Variants in CADM2 observed in about 807,000 individuals in gnomAD.
CADM2 encodes cell adhesion molecule 2.
Under a neutral mutation model 49.8 loss-of-function variants are expected in CADM2, and 12 were observed. The ratio of observed to expected loss-of-function variants is 0.24; its 90% CI spans 0.15 to 0.39. CADM2 has a LOEUF of 0.39. Among genes scored for constraint, CADM2 ranks in the 10% least tolerant of loss-of-function variants. The pLI is 1.00. For synonymous variants in CADM2, 214 were observed against 175.4 expected (o/e 1.22, Z -1.74); for missense variants, 378 against 492.3 (o/e 0.77, Z 2.20).
chr3:85,170,583 T>A (rs140059237), intron 1 of CADM2, among the ~76,000 whole-genome samples: 151 of 152,242 alleles, frequency 9.9e-4, no homozygotes, highest in African/African-American at 3.6e-3. Context: ...AGCTTCCGTC[T>A]CCATCTCCCA....
chr3:85,638,600 G>A (rs571573078), intron 1 of CADM2, among the ~76,000 whole-genome samples: 1 of 151,892 alleles, frequency 6.6e-6, no homozygotes, highest in African/African-American at 2.4e-5. Context: ...CATTTTTACT[G>A]TAAATATTTT....
At chr3:85,480,693 A>G (rs1402045114) in intron 1 of CADM2, among the ~76,000 whole-genome samples, 1 of 151,892 alleles carries the variant, frequency 6.6e-6, no homozygotes, top group Non-Finnish European at 1.5e-5. Context: ...GCAGAATCTC[A>G]TGACCAAACC....
At chr3:85,734,420 C>T (rs1370035415) in intron 2 of CADM2, among the ~76,000 whole-genome samples, 1 of 151,706 alleles carries the variant, frequency 6.6e-6, no homozygotes, top group Non-Finnish European at 1.5e-5. Context: ...ATGAATCCTG[C>T]CTTACCCCCA....
intron 1 of CADM2, among the ~76,000 whole-genome samples, chr3:85,262,913 T>TATTTTTAGATGA (rs2043043381): frequency 7.5e-6 from 1 of 133,884 alleles, no homozygotes; most frequent in African/African-American, 4.1e-5. Flanking sequence ...TATGATGTAT[T>TATTTTTAGATGA]TACTCTGTAT....
At chr3:85,775,576 G>A (rs966910440) in intron 2 of CADM2, among the ~76,000 whole-genome samples, 4 of 151,686 alleles carry the variant, frequency 2.6e-5, no homozygotes, top group African/African-American at 7.2e-5. Context: ...TTTATAAACT[G>A]CTTTTTAAAA....
chr3:85,867,233 A>T (rs1164815036), intron 3 of CADM2, among the ~76,000 whole-genome samples: 1 of 152,020 alleles, frequency 6.6e-6, no homozygotes, highest in Non-Finnish European at 1.5e-5. Context: ...TTCTTTTATT[A>T]GTTTGAGATA....
At chr3:85,459,954 T>TA (rs1475413210) in intron 1 of CADM2, among the ~76,000 whole-genome samples, 6 of 152,146 alleles carry the variant, frequency 3.9e-5, no homozygotes, top group Admixed American at 1.3e-4. Context: ...TCTGCCAGAG[T>TA]AAAAAAGATT....
In CADM2 at chr3:85,144,620, A is replaced by AAAAAGAAAGAAAGAAAGAAAG. The variant is rs373935603; in HGVS notation, c.61+184955_61+184956insAGAAAGAAAGAAAGAAAGAAA. On this transcript the variant is annotated intron_variant, in intron 1 of 9. Coordinates refer to ENST00000383699, the MANE Select transcript of CADM2 (RefSeq NM_001167675.2). ...GAGTGAGACTCCATCTCAAAAAAAAAAAAGAAAGAAAGAAAGAAAGAAAGA... is the reference window on the plus strand; with the variant it reads ...GAGTGAGACTCCATCTCAAAAAAAAAAAAAGAAAGAAAGAAAGAAAGAAAGAAAGAAAGAAAGAAAGAAAGA... 6.4e-3 allele frequency among the ~76,000 whole-genome samples: 867 copies of AAAAAGAAAGAAAGAAAGAAAG among 136,352 alleles called. 20 individuals are homozygous for AAAAAGAAAGAAAGAAAGAAAG. Among genetic ancestry groups the AAAAAGAAAGAAAGAAAGAAAG allele is most frequent in the African/African-American group, 0.023 (818 of 34,830 alleles). 89.5% of individuals were successfully genotyped at this position (136,352 alleles called of 152,430 possible). A position where few individuals can be genotyped will look rare whatever the true frequency, so the allele number is the denominator to read the frequency against.
chr3:85,030,442 A>T (rs1576071579), intron 1 of CADM2, among the ~76,000 whole-genome samples: 1 of 152,314 alleles, frequency 6.6e-6, no homozygotes, highest in South Asian at 2.1e-4. Context: ...TTGTCCACGG[A>T]TCATTTTCAA....
intron 1 of CADM2, among the ~76,000 whole-genome samples, chr3:85,268,529 T>A (rs1162088264): frequency 6.6e-6 from 1 of 151,344 alleles, no homozygotes; most frequent in Non-Finnish European, 1.5e-5. Flanking sequence ...AATTGAAGAT[T>A]TTACTACTTT....
chr3:85,066,472 T>A (rs1194631600), intron 1 of CADM2, among the ~76,000 whole-genome samples: 2 of 152,098 alleles, frequency 1.3e-5, no homozygotes, highest in Non-Finnish European at 2.9e-5. Flanking sequence ...TTTGACTTTA[T>A]GACATGGCAC....
chr3:85,914,709 C>T (rs557351897), intron 6 of CADM2, among the ~76,000 whole-genome samples: 7 of 152,140 alleles, frequency 4.6e-5, no homozygotes, highest in Non-Finnish European at 1.0e-4. Flanking sequence ...ATGTAAGTTG[C>T]TCTGGCAAAG....
At chr3:85,541,089 AATT>A (rs1350771762) in intron 1 of CADM2, among the ~76,000 whole-genome samples, 8 of 151,592 alleles carry the variant, frequency 5.3e-5, no homozygotes, top group Non-Finnish European at 1.0e-4. Flanking sequence ...AATTCAATAA[AATT>A]ATTATAATAA....
chr3:85,939,978 T>G (rs1466079057), intron 7 of CADM2, among the ~76,000 whole-genome samples: 1 of 148,480 alleles, frequency 6.7e-6, no homozygotes, highest in African/African-American at 2.5e-5. Flanking sequence ...TATGTATATA[T>G]TAATGTATTT....
chr3:85,561,878 T>G (rs975376115), intron 1 of CADM2, among the ~76,000 whole-genome samples: 1 of 152,136 alleles, frequency 6.6e-6, no homozygotes, highest in Admixed American at 6.6e-5. Context: ...ATGCCAGCTT[T>G]ACAATTTAGA....
chr3:85,544,700 A>T (rs114970521), intron 1 of CADM2, among the ~76,000 whole-genome samples: 3 of 152,200 alleles, frequency 2.0e-5, no homozygotes, highest in African/African-American at 7.2e-5. Flanking sequence ...ACCATTTGAC[A>T]TGATAACTTT....
intron 3 of CADM2, among the ~76,000 whole-genome samples, chr3:85,868,311 T>C (rs1310279402): frequency 6.6e-6 from 1 of 152,080 alleles, no homozygotes; most frequent in Non-Finnish European, 1.5e-5. Context: ...TTTCTAATGT[T>C]CCATTAAAAT....
chr3:85,432,243 C>A (rs922343344), intron 1 of CADM2, among the ~76,000 whole-genome samples: 4 of 151,810 alleles, frequency 2.6e-5, no homozygotes, highest in Non-Finnish European at 5.9e-5. Context: ...CAGCCTGTGA[C>A]AACTTCTAGA....
chr3:85,526,869 T>C (rs935659863), intron 1 of CADM2, among the ~76,000 whole-genome samples: 1 of 152,184 alleles, frequency 6.6e-6, no homozygotes, highest in Non-Finnish European at 1.5e-5. Context: ...TATCCAAAAA[T>C]AGATAATTAT....
Sources: allele counts gnomAD v4.1 joint callset (sites outside exome capture counted in the v4.1 genomes callset), GRCh38; gene constraint gnomAD v4.1.1; transcripts MANE v1.5; gene names NCBI Gene and HGNC (gene_info 2026-07-23, HGNC 2026-07-21).